Variants in RANBP3L observed in about 807,000 individuals in gnomAD.
RANBP3L encodes RAN binding protein 3 like.
RANBP3L carries 56 observed loss-of-function variants against 67.2 expected under a neutral mutation model. That is an observed-to-expected ratio of 0.83 (90% CI 0.67 to 1.04). The LOEUF (loss-of-function observed/expected upper bound fraction) is 1.04, where lower values mean the gene tolerates loss of function less well. Ranked by LOEUF, RANBP3L falls within the 50% of genes least tolerant of loss-of-function variation. The pLI is 0.00. For synonymous variants in RANBP3L, 164 were observed against 181.4 expected (o/e 0.90, Z 0.77); for missense variants, 496 against 535.5 (o/e 0.93, Z 0.73).
In RANBP3L at chr5:36,301,474, G is replaced by C. The variant is rs1752613668; in HGVS notation, c.-58C>G. 3.0e-6 allele frequency: 4 copies of C among 1,329,680 alleles called. No individual in the cohort carries two copies. In the South Asian group the frequency reaches 3.5e-5, roughly 12 times the overall value. The allele number at this position is 1,329,680 out of a possible 1,614,324, so 82.4% of individuals were successfully genotyped here. A position where few individuals can be genotyped will look rare whatever the true frequency, so the allele number is the denominator to read the frequency against. On this transcript the variant is annotated 5_prime_UTR_variant, in exon 1 of 14. Coordinates refer to ENST00000296604, the MANE Select transcript of RANBP3L (RefSeq NM_145000.5). The stretch of plus-strand genomic sequence containing the variant: ...ACTAGGGCACCTCCTTCTCTGGCCA[G>C]TCACCTAAAGTGGCCTTCACCAGAC...
At chr5:36,277,743 C>T (rs575125251) in intron 1 of RANBP3L, among the ~76,000 whole-genome samples, 1 of 152,060 alleles carries the variant, frequency 6.6e-6, no homozygotes, top group African/African-American at 2.4e-5. Context: ...GCTCTGCTGT[C>T]CTGTGTGATA....
At chr5:36,277,056 A>C (rs1750622965) in intron 1 of RANBP3L, among the ~76,000 whole-genome samples, 4 of 152,238 alleles carry the variant, frequency 2.6e-5, no homozygotes, top group Admixed American at 2.6e-4. Flanking sequence ...AGAGGGTGGC[A>C]ACAAACCCCT....
chr5:36,301,357 T>G lies in RANBP3L; in HGVS notation c.60A>C (p.Lys20Asn). 1 of 1,613,770 alleles carries G rather than the reference T, an allele frequency of 6.2e-7. No individual in the cohort carries two copies. Among genetic ancestry groups the G allele is most frequent in the Non-Finnish European group, 8.5e-7 (1 of 1,179,780 alleles). ...SHLPGSLHTC[K>N]LKLQEDRRQQ... The stretch of plus-strand genomic sequence containing the variant: ...GTCGCCGGTCCTCCTGCAGCTTCAG[T>G]TTACAGGTGTGCAAACTGCCAGGCA... The change falls in exon 1 of 14, where the codon AAA becomes AAC. Residue 20 changes from lysine (K) to asparagine (N), a missense_variant. Lys to Asn is a moderately conservative substitution (Grantham distance 94). Coordinates refer to ENST00000296604, the MANE Select transcript of RANBP3L (RefSeq NM_145000.5).
At chr5:36,288,403 T>C (rs759975921) in intron 1 of RANBP3L, among the ~76,000 whole-genome samples, 6 of 152,326 alleles carry the variant, frequency 3.9e-5, no homozygotes, top group Admixed American at 6.5e-5. Flanking sequence ...TTTGGGTTGT[T>C]CACATGTTGG....
chr5:36,264,446 C>T (rs1277163542), intron 6 of RANBP3L, among the ~76,000 whole-genome samples: 1 of 152,176 alleles, frequency 6.6e-6, no homozygotes, highest in East Asian at 1.9e-4. Context: ...TCAGACACTA[C>T]ATAGTTGGAA....
chr5:36,297,806 C>G (rs1752333586), intron 1 of RANBP3L, among the ~76,000 whole-genome samples: 1 of 152,190 alleles, frequency 6.6e-6, no homozygotes, highest in Admixed American at 6.5e-5. Flanking sequence ...TCCACGTGGA[C>G]AGAAAACCAT....
At chr5:36,266,108 G>C (rs533246406) in intron 4 of RANBP3L, among the ~76,000 whole-genome samples, 3 of 151,498 alleles carry the variant, frequency 2.0e-5, no homozygotes, top group South Asian at 2.1e-4. Flanking sequence ...TCTTTAAATA[G>C]TGCACTGTCA....
At chr5:36,296,799 GC>G (rs1400569671) in intron 1 of RANBP3L, among the ~76,000 whole-genome samples, 2 of 152,116 alleles carry the variant, frequency 1.3e-5, no homozygotes, top group Non-Finnish European at 2.9e-5. Flanking sequence ...CAAGCAGATT[GC>G]CCTTCATTAG....
intron 1 of RANBP3L, among the ~76,000 whole-genome samples, chr5:36,285,777 A>G (rs910978036): frequency 9.2e-5 from 14 of 152,186 alleles, no homozygotes; most frequent in African/African-American, 3.4e-4. Flanking sequence ...TTCCTTCTCA[A>G]TCAATATCCG....
At chr5:36,278,882 T>C (rs895448827) in intron 1 of RANBP3L, among the ~76,000 whole-genome samples, 1 of 152,178 alleles carries the variant, frequency 6.6e-6, no homozygotes, top group Non-Finnish European at 1.5e-5. Flanking sequence ...CTTATTTACA[T>C]GAACAAATTT....
At position 36,249,658 on chromosome 5, in the gene RANBP3L, G is replaced by T. The variant is rs1470000287; in HGVS notation, c.1394C>A (p.Ser465Ter). 1.7e-5 allele frequency: 27 copies of T among 1,552,582 alleles called. No homozygotes were observed. The highest frequency in any genetic ancestry group is 1.7e-5 in the Non-Finnish European group (19 of 1,136,916). ...CATGTTTATAGTAGGTAGTATTCAT[G>T]AACAGGCAACCGACTGTCTGTGAGT... The part of the protein sequence containing the change: ...SWTHRQSVAC[S>*] Residue 465 changes from serine (S) to a stop codon, truncating the protein, a stop_gained, in exon 14 of 14, where the codon TCA becomes TAA. Transcript: ENST00000296604. LOFTEE classifies it high-confidence loss of function.
Position 36,288,861 on chromosome 5 carries a change from T to C in RANBP3L, c.91+12465A>G, listed in dbSNP as rs535668957. Among the ~76,000 whole-genome samples the C allele has an allele frequency of 2.4e-3, 368 of 152,292 alleles. 1 individual carries two copies. Among genetic ancestry groups the C allele is most frequent in the African/African-American group, 8.4e-3 (349 of 41,580 alleles). ...TTTTTAACATATTCTGATTGAAAGT[T>C]CTTTTTCAAATATATATTTGACATT... On this transcript the variant is annotated intron_variant, in intron 1 of 13. Transcript: ENST00000296604.
Position 36,252,402 on chromosome 5 carries a change from ATG to A in RANBP3L, c.1168-905_1168-904del, listed in dbSNP as rs896793295. Among the ~76,000 whole-genome samples, 29 of 148,678 alleles carry A rather than the reference ATG, an allele frequency of 2.0e-4. 1 individual carries two copies. In the East Asian group the frequency reaches 5.9e-3, roughly 30 times the overall value. ...CATTAACATTGATAAGTAAAATAACATGTGTATTTCACAGTCATATTAGCTAT... is the reference window on the plus strand; with the variant it reads ...CATTAACATTGATAAGTAAAATAACATGTATTTCACAGTCATATTAGCTAT... On this transcript the variant is annotated intron_variant, in intron 12 of 13. Coordinates refer to ENST00000296604, the MANE Select transcript of RANBP3L (RefSeq NM_145000.5).
chr5:36,274,287 T>C (rs916075188), intron 1 of RANBP3L, among the ~76,000 whole-genome samples: 1 of 152,136 alleles, frequency 6.6e-6, no homozygotes, highest in African/African-American at 2.4e-5. Context: ...AACTAAGTAA[T>C]TAATTACGCA....
At chr5:36,277,855 G>C (rs375841550) in intron 1 of RANBP3L, among the ~76,000 whole-genome samples, 1 of 152,078 alleles carries the variant, frequency 6.6e-6, no homozygotes, top group Non-Finnish European at 1.5e-5. Flanking sequence ...ACAGTTCCAC[G>C]TGGCTGAGGA....
intron 8 of RANBP3L, among the ~76,000 whole-genome samples, chr5:36,259,354 G>A (rs1358447018): frequency 2.6e-5 from 4 of 152,132 alleles, no homozygotes; most frequent in East Asian, 3.9e-4. Context: ...AGCCTGAGGC[G>A]GGTGGATCGC....
intron 1 of RANBP3L, among the ~76,000 whole-genome samples, chr5:36,289,913 C>T (rs1460126451): frequency 6.6e-6 from 1 of 151,858 alleles, no homozygotes; most frequent in Admixed American, 6.6e-5. Context: ...ATCTCCAGTA[C>T]ACTGTTGAAT....
intron 1 of RANBP3L, among the ~76,000 whole-genome samples, chr5:36,295,565 C>T (rs1428750961): frequency 2.6e-5 from 4 of 151,956 alleles, no homozygotes; most frequent in African/African-American, 9.7e-5. Flanking sequence ...TGAGAACAGA[C>T]TAATACATTG....
rs941160860 is a variant in RANBP3L, at chr5:36,248,252, G to A, written c.*1402C>T. 6.6e-6 allele frequency among the ~76,000 whole-genome samples: 1 copy of A among 151,792 alleles called. No individual in the cohort carries two copies. Among genetic ancestry groups the A allele is most frequent in the South Asian group, 2.1e-4 (1 of 4,786 alleles). On this transcript the variant is annotated 3_prime_UTR_variant, in exon 14 of 14. Coordinates refer to ENST00000296604, the MANE Select transcript of RANBP3L (RefSeq NM_145000.5). ...TTGACTCCTTTATTTAGAAGTAAAG[G>A]ATATTATGTGCCATATTTCTTCTAG...
Sources: gnomAD v4.1 joint callset for allele counts (sites outside exome capture counted in the v4.1 genomes callset) on GRCh38, gnomAD v4.1.1 for gene constraint, MANE v1.5 for transcripts, NCBI Gene and HGNC (gene_info 2026-07-23, HGNC 2026-07-21) for gene names.